Variants in HOXB2 observed in about 807,000 individuals in gnomAD.
HOXB2 encodes homeobox protein Hox-B2.
A neutral mutation model predicts 13.1 loss-of-function variants in HOXB2; 14 were observed. The observed-to-expected ratio is 1.07, with a 90% CI of 0.71 to 1.67. The LOEUF is 1.67. Among genes scored for constraint, HOXB2 ranks in the 40% most tolerant of loss-of-function variants. HOXB2 has a pLI of 0.00. For missense variants in HOXB2, 582 were observed against 488.3 expected (o/e 1.19, Z -1.81); for synonymous variants, 261 against 233.1 (o/e 1.12, Z -1.09).
chr17:48,543,236 T>C lies in HOXB2; in HGVS notation c.903A>G (p.Ser301=), dbSNP rs750205081. ...PEDVFSGRQD[S]PFLPDLNFFA... The stretch of plus-strand genomic sequence containing the variant: ...AGAAGTTGAGGTCGGGAAGGAAAGG[T>C]GAATCCTGGCGCCCCGAGAAGACGT... The change falls in exon 2 of 2, where the codon TCA becomes TCG. Residue 301 remains serine, a synonymous_variant. Transcript: ENST00000330070. 3.1e-6 allele frequency: 5 copies of C among 1,612,144 alleles called. No homozygotes were observed. The highest frequency in any genetic ancestry group is 1.7e-5 in the Admixed American group (1 of 59,952).
chr17:48,544,288 C>G, intron 1 of HOXB2: 1 of 1,370,260 alleles, frequency 7.3e-7, no homozygotes, highest in Non-Finnish European at 9.3e-7. Flanking sequence ...TTTCCCCAAC[C>G]AGCTTCCAAA....
In HOXB2 at chr17:48,543,318, C is replaced by T. The variant is rs1219457454; in HGVS notation, c.821G>A (p.Ser274Asn). The stretch of plus-strand genomic sequence containing the variant: ...GGCCCCGCGCAGCGCGCAGCCGGGA[C>T]TCGACGCGCCTGCGCCCTCTAAGCG... ...AVRLEGAGAS[S>N]PGCALRGAGG... The change falls in exon 2 of 2, where the codon AGT becomes AAT. Residue 274 changes from serine (S) to asparagine (N), a missense_variant. Physicochemically the swap from Ser to Asn is conservative, Grantham distance 46. Transcript: ENST00000330070. 1 of 1,599,972 alleles carries T rather than the reference C, an allele frequency of 6.3e-7. No homozygotes were observed. Among genetic ancestry groups the T allele is most frequent in the East Asian group, 2.2e-5 (1 of 44,718 alleles).
rs138169880 is a variant in HOXB2 at position 48,544,986 on chromosome 17, A to ACCC, written c.-78_-76dup. 1.6e-5 allele frequency: 18 copies of ACCC among 1,131,218 alleles called. No individual in the cohort carries two copies. The highest frequency in any genetic ancestry group is 9.5e-5 in the Admixed American group (3 of 31,422). The allele number at this position is 1,131,218 out of a possible 1,614,324, so 70.1% of individuals were successfully genotyped here. A position where few individuals can be genotyped will look rare whatever the true frequency, so the allele number is the denominator to read the frequency against. ...GGATCGGAAGGGACCCCCCTCCTGC[A>ACCC]CCCCCCCCGATTTATGTAATGGAGC... On this transcript the variant is annotated 5_prime_UTR_variant, in exon 1 of 2. Coordinates refer to ENST00000330070, the MANE Select transcript of HOXB2 (RefSeq NM_002145.4).
intron 1 of HOXB2, 57 bp from the exon 2 acceptor site, chr17:48,543,804 T>A (rs1430199892): frequency 1.3e-6 from 2 of 1,519,150 alleles, no homozygotes; most frequent in Non-Finnish European, 1.8e-6. Flanking sequence ...CCAACCTCAG[T>A]TCGGACTACC....
intron 1 of HOXB2, 148 bp from the exon 2 acceptor site, chr17:48,543,895 G>C: frequency 7.4e-7 from 1 of 1,344,922 alleles, no homozygotes; most frequent in South Asian, 1.6e-5. Flanking sequence ...TCGCTTTACT[G>C]CTTTTGGGTT....
In HOXB2 at chr17:48,543,103, T is replaced by C. The variant is rs2068515760; in HGVS notation, c.1036A>G (p.Ser346Gly). The change falls in exon 2 of 2, where the codon AGT becomes GGT. Residue 346 changes from serine to glycine, a missense_variant. Transcript: ENST00000330070. ...TGCAGGTCGATGGCACAGAGCGTACTGGTGAAAAAATCCAGCTCTTCCTCG... is the reference window on the plus strand; with the variant it reads ...TGCAGGTCGATGGCACAGAGCGTACCGGTGAAAAAATCCAGCTCTTCCTCG... ...FSEEELDFFT[S>G]TLCAIDLQFP 2 of 1,612,566 alleles carry C rather than the reference T, an allele frequency of 1.2e-6. No homozygotes were observed. The highest frequency in any genetic ancestry group is 1.7e-6 in the Non-Finnish European group (2 of 1,179,546).
rs2068525147 is a variant in HOXB2, at chr17:48,543,428, G to A, written c.711C>T (p.Ala237=). 1 of 1,592,048 alleles carries A rather than the reference G, an allele frequency of 6.3e-7. No homozygotes were observed. Among genetic ancestry groups the A allele is most frequent in the Non-Finnish European group, 8.5e-7 (1 of 1,171,850 alleles). ...AGCAGGCTTCCCACGCCGCCCGCGA[G>A]GCGGAGGGGCCGCCCGGGCTGGCCG... ...EPAASPGGPS[A]SRAAWEACCH... is the part of the protein sequence containing the mutation. Residue 237 remains alanine (A), a synonymous_variant, in exon 2 of 2, where the codon GCC becomes GCT. Transcript: ENST00000330070.
chr17:48,542,911 G>T lies in HOXB2; in HGVS notation c.*157C>A. ...AGATAACCGAGTGCCCAATATTTTA[G>T]AAGAAGAAGAAAGGGAGTGGATTAA... On this transcript the variant is annotated 3_prime_UTR_variant, in exon 2 of 2. Transcript: ENST00000330070. 1 of 481,430 alleles carries T rather than the reference G, an allele frequency of 2.1e-6. No individual in the cohort carries two copies. Among genetic ancestry groups the T allele is most frequent in the Non-Finnish European group, 3.6e-6 (1 of 281,188 alleles). The allele number at this position is 481,430 out of a possible 1,614,324, so 29.8% of individuals were successfully genotyped here.
In HOXB2 at chr17:48,543,480, T is replaced by G; in HGVS notation, c.659A>C (p.Asp220Ala). The G allele has an allele frequency of 6.2e-7, 1 of 1,611,030 alleles. No homozygotes were observed. Among genetic ancestry groups the G allele is most frequent in the Non-Finnish European group, 8.5e-7 (1 of 1,179,690 alleles). Reference protein sequence around the residue: ...GEPACPGALEDICDPAEEPAA... With the variant: ...GEPACPGALEAICDPAEEPAA... ...GGGTTCCTCGGCAGGGTCGCAGATG[T>G]CCTCCAGGGCTCCCGGGCAGGCAGG... The change falls in exon 2 of 2, where the codon GAC becomes GCC. Residue 220 changes from aspartate to alanine, a missense_variant. Coordinates refer to ENST00000330070, the MANE Select transcript of HOXB2 (RefSeq NM_002145.4).
chr17:48,543,232 A>G lies in HOXB2; in HGVS notation c.907T>C (p.Phe303Leu). Reference protein sequence around the residue: ...DVFSGRQDSPFLPDLNFFAAD... With the variant: ...DVFSGRQDSPLLPDLNFFAAD... ...GCGAAGAAGTTGAGGTCGGGAAGGA[A>G]AGGTGAATCCTGGCGCCCCGAGAAG... The change falls in exon 2 of 2, where the codon TTC becomes CTC. Residue 303 changes from phenylalanine (F) to leucine (L), a missense_variant. Transcript: ENST00000330070. 4 of 1,613,036 alleles carry G rather than the reference A, an allele frequency of 2.5e-6. No homozygotes were observed. The highest frequency in any genetic ancestry group is 3.4e-6 in the Non-Finnish European group (4 of 1,179,952).
Position 48,543,077 on chromosome 17 carries a change from C to A in HOXB2, c.1062G>T (p.Gln354His). ...FTSTLCAIDL[Q>H]FP Reference sequence around the variant, plus strand: ...GGGAGGAGGAAACAGGTTAGGGAAACTGCAGGTCGATGGCACAGAGCGTAC... The same window carrying A: ...GGGAGGAGGAAACAGGTTAGGGAAAATGCAGGTCGATGGCACAGAGCGTAC... Residue 354 changes from glutamine to histidine, a missense_variant, in exon 2 of 2, where the codon CAG becomes CAT. Coordinates refer to ENST00000330070, the MANE Select transcript of HOXB2 (RefSeq NM_002145.4). The A allele has an allele frequency of 6.3e-7, 1 of 1,599,056 alleles. No homozygotes were observed.
At chr17:48,543,853 C>T (rs538855408) in intron 1 of HOXB2, 106 bp from the exon 2 acceptor site, 20 of 924,296 alleles carry the variant, frequency 2.2e-5, no homozygotes, top group Non-Finnish European at 3.0e-5. Context: ...CCCTTCCTCG[C>T]CACCCCACCC....
At chr17:48,543,795 C>T in intron 1 of HOXB2, 48 bp from the exon 2 acceptor site, 1 of 1,535,986 alleles carries the variant, frequency 6.5e-7, no homozygotes, top group Non-Finnish European at 8.7e-7. Flanking sequence ...GTACTCAGCC[C>T]AACCTCAGTT....
Position 48,544,731 on chromosome 17 carries a change from A to G in HOXB2, c.181T>C (p.Ser61Pro), listed in dbSNP as rs767441755. 5 of 1,613,760 alleles carry G rather than the reference A, an allele frequency of 3.1e-6. No homozygotes were observed. The highest frequency in any genetic ancestry group is 4.2e-6 in the Non-Finnish European group (5 of 1,179,948). ...TGGCTCCTGGGTCTCTGAAGGGTGG[A>G]GGCGCCGGGCTGGAGGCTGGGGAAG... ...QTFPSLQPGA[S>P]TLQRPRSQKR... Residue 61 changes from serine (S) to proline (P), a missense_variant, in exon 1 of 2, where the codon TCC becomes CCC. By Grantham distance (74) the Ser-to-Pro change is moderately conservative (BLOSUM62 -1). Transcript: ENST00000330070.
chr17:48,544,283 C>G (rs2068542584), intron 1 of HOXB2: 1 of 1,370,142 alleles, frequency 7.3e-7, no homozygotes, highest in Non-Finnish European at 9.3e-7. Flanking sequence ...AGGCGTTTCC[C>G]CAACCAGCTT....
In HOXB2 at chr17:48,542,974, A is replaced by ATAAG. The variant is rs1555633008; in HGVS notation, c.*90_*93dup. ...TAATACCTGAATTTTAGCAAAACAC[A>ATAAG]TAAGTCTATGCGACTGAGGGTGGGA... On this transcript the variant is annotated 3_prime_UTR_variant, in exon 2 of 2. Coordinates refer to ENST00000330070, the MANE Select transcript of HOXB2 (RefSeq NM_002145.4). The ATAAG allele has an allele frequency of 2.4e-5, 23 of 966,094 alleles. No homozygotes were observed. In the African/African-American group the frequency reaches 3.7e-4, roughly 15 times the overall value. The allele number at this position is 966,094 out of a possible 1,614,324, so 59.8% of individuals were successfully genotyped here.
At position 48,544,995 on chromosome 17, in the gene HOXB2, G is replaced by C. The variant is rs1465228831; in HGVS notation, c.-84C>G. On this transcript the variant is annotated 5_prime_UTR_variant, in exon 1 of 2. The change creates a new upstream start codon in the 5' untranslated region. Coordinates refer to ENST00000330070, the MANE Select transcript of HOXB2 (RefSeq NM_002145.4). ...GGGACCCCCCTCCTGCACCCCCCCC[G>C]ATTTATGTAATGGAGCGATTTTGGG... is the stretch of plus-strand genomic sequence containing the variant. The C allele has an allele frequency of 4.8e-6, 6 of 1,239,644 alleles. No individual in the cohort carries two copies. The highest frequency in any genetic ancestry group is 5.5e-6 in the Non-Finnish European group (5 of 911,590). The allele number at this position is 1,239,644 out of a possible 1,614,324, so 76.8% of individuals were successfully genotyped here.
chr17:48,543,368 G>T lies in HOXB2; in HGVS notation c.771C>A (p.Ser257Arg). The T allele has an allele frequency of 6.3e-7, 1 of 1,590,790 alleles. No homozygotes were observed. The highest frequency in any genetic ancestry group is 8.5e-7 in the Non-Finnish European group (1 of 1,172,498). The stretch of plus-strand genomic sequence containing the variant: ...GAACGGCTAAAGGCCGGGGGTCCGC[G>T]CTTAAGGCCCCCGGCACCACCTCCG... ...HPPEVVPGAL[S>R]ADPRPLAVRL... The change falls in exon 2 of 2, where the codon AGC becomes AGA. Residue 257 changes from serine to arginine, a missense_variant. Physicochemically the swap from Ser to Arg is moderately radical, Grantham distance 110. Coordinates refer to ENST00000330070, the MANE Select transcript of HOXB2 (RefSeq NM_002145.4).
rs1005878439 is a variant in HOXB2, at chr17:48,543,284, C to T, written c.855G>A (p.Leu285=). Residue 285 remains leucine (L), a synonymous_variant, in exon 2 of 2, where the codon CTG becomes CTA. Coordinates refer to ENST00000330070, the MANE Select transcript of HOXB2 (RefSeq NM_002145.4). ...CGTCTTCTGGCAATGGCCCGGGCTCCAGCCCGCCGGCCCCGCGCAGCGCGC... is the reference window on the plus strand; with the variant it reads ...CGTCTTCTGGCAATGGCCCGGGCTCTAGCCCGCCGGCCCCGCGCAGCGCGC... ...PGCALRGAGG[L]EPGPLPEDVF... is the part of the protein sequence containing the mutation. 35 of 1,602,532 alleles carry T rather than the reference C, an allele frequency of 2.2e-5. 1 individual carries two copies. The Admixed American group carries it at 5.9e-4, about 27-fold the overall frequency.
Sources: allele counts gnomAD v4.1 joint callset, GRCh38; gene constraint gnomAD v4.1.1; transcripts MANE v1.5; gene names NCBI Gene and HGNC (gene_info 2026-07-23, HGNC 2026-07-21).